Variants in GRIN2A observed in about 807,000 individuals in gnomAD.
The protein encoded by GRIN2A is glutamate ionotropic receptor NMDA type subunit 2A, also known as glutamate receptor ionotropic, NMDA 2A.
A neutral mutation model predicts 113.4 loss-of-function variants in GRIN2A; 22 were observed. The observed-to-expected ratio is 0.19, with a 90% CI of 0.14 to 0.28. The LOEUF is 0.28. GRIN2A is among the 10% of genes least tolerant of loss of function. The probability of loss-of-function intolerance (pLI) is 1.00; values close to 1 mark genes in which losing one functional copy is unlikely to be tolerated. For synonymous variants in GRIN2A, 827 were observed against 738.4 expected (o/e 1.12, Z -1.94); for missense variants, 1,502 against 1,887.0 (o/e 0.80, Z 3.78).
intron 2 of GRIN2A, among the ~76,000 whole-genome samples, chr16:10,142,650 G>T (rs2049350771): frequency 1.3e-5 from 2 of 152,184 alleles, no homozygotes; most frequent in African/African-American, 4.8e-5. Context: ...AGTGAGCTGA[G>T]ATCATGCCAC....
chr16:10,119,560 C>T (rs140041908), intron 2 of GRIN2A, among the ~76,000 whole-genome samples: 2 of 152,114 alleles, frequency 1.3e-5, no homozygotes, highest in African/African-American at 4.8e-5. Flanking sequence ...TGGTTCTCAA[C>T]AGGGAAAGAT....
At chr16:10,075,268 TCA>T (rs1187262142) in intron 2 of GRIN2A, among the ~76,000 whole-genome samples, 1 of 152,088 alleles carries the variant, frequency 6.6e-6, no homozygotes, top group Non-Finnish European at 1.5e-5. Context: ...TTTGAGAGTT[TCA>T]CAGTCATACT....
At position 9,758,868 on chromosome 16, in the gene GRIN2A, T is replaced by C. The variant is rs570250938; in HGVS notation, c.*4281A>G. The C allele has an allele frequency of 3.2e-5, 7 of 218,418 alleles. No individual in the cohort carries two copies. In the South Asian group the frequency reaches 1.1e-3, roughly 35 times the overall value. 13.5% of individuals were successfully genotyped at this position (218,418 alleles called of 1,614,324 possible). ...GTATCTGGAAAGGTCTAATTTTGTC[T>C]CCAGTGAAAATAAACAGTACTTTTG... On this transcript the variant is annotated 3_prime_UTR_variant, in exon 13 of 13. Coordinates refer to ENST00000330684, the MANE Select transcript of GRIN2A (RefSeq NM_001134407.3).
At chr16:9,785,385 A>T (rs553089768) in intron 11 of GRIN2A, among the ~76,000 whole-genome samples, 1 of 144,982 alleles carries the variant, frequency 6.9e-6, no homozygotes, top group South Asian at 2.2e-4. Flanking sequence ...TGGGAATTGA[A>T]CAATGAGATC....
At chr16:10,155,571 C>T (rs1039440482) in intron 2 of GRIN2A, among the ~76,000 whole-genome samples, 3 of 152,144 alleles carry the variant, frequency 2.0e-5, no homozygotes, top group Admixed American at 6.6e-5. Context: ...TTTGGTATAA[C>T]GATTTAATGT....
At chr16:9,769,381 T>G (rs1901118654) in intron 11 of GRIN2A, among the ~76,000 whole-genome samples, 1 of 147,666 alleles carries the variant, frequency 6.8e-6, no homozygotes, top group Non-Finnish European at 1.5e-5. Context: ...TGTATATATA[T>G]TATATATTAT....
At chr16:9,913,932 C>G (rs544106385) in intron 3 of GRIN2A, among the ~76,000 whole-genome samples, 1 of 151,978 alleles carries the variant, frequency 6.6e-6, no homozygotes, top group East Asian at 1.9e-4. Context: ...ATTTCACCCA[C>G]AGGGGTTCTT....
chr16:9,763,433 G>C lies in GRIN2A; in HGVS notation c.4111C>G (p.His1371Asp), dbSNP rs2141126534. The C allele has an allele frequency of 6.2e-7, 1 of 1,614,040 alleles. No individual in the cohort carries two copies. Among genetic ancestry groups the C allele is most frequent in the Non-Finnish European group, 8.5e-7 (1 of 1,179,944 alleles). ...HTSDNPFLHS[H>D]RDDQRLVIGR... ...ATAACCAAGCGTTGGTCATCCCTGT[G>C]GGAGTGGAGGAAAGGGTTATCGGAG... Residue 1371 changes from histidine to aspartate, a missense_variant, in exon 13 of 13, where the codon CAC (histidine) becomes GAC (aspartate). His to Asp is a moderately conservative substitution (Grantham distance 81). This residue lies in a region of GRIN2A where 832 missense variants were observed against 789.7 expected (regional missense o/e 1.05). Coordinates refer to ENST00000330684, the MANE Select transcript of GRIN2A (RefSeq NM_001134407.3).
intron 3 of GRIN2A, among the ~76,000 whole-genome samples, chr16:9,922,490 C>T (rs578142242): frequency 6.6e-5 from 10 of 152,284 alleles, no homozygotes; most frequent in Admixed American, 6.5e-4. Flanking sequence ...ATTACATCCA[C>T]GCCCATCTGG....
At chr16:9,905,653 A>C (rs1465266718) in intron 3 of GRIN2A, among the ~76,000 whole-genome samples, 1 of 152,188 alleles carries the variant, frequency 6.6e-6, no homozygotes, top group African/African-American at 2.4e-5. Context: ...GGGCAGAGCG[A>C]TGTGCCTATG....
intron 3 of GRIN2A, among the ~76,000 whole-genome samples, chr16:9,893,371 C>G (rs542040476): frequency 6.6e-6 from 1 of 152,292 alleles, no homozygotes; most frequent in South Asian, 2.1e-4. Context: ...TAAAACACTG[C>G]TATTCTAGAA....
At chr16:10,059,969 GA>G in intron 2 of GRIN2A, among the ~76,000 whole-genome samples, 1 of 144,902 alleles carries the variant, frequency 6.9e-6, no homozygotes, top group East Asian at 2.3e-4. Context: ...AGGGATGGAG[GA>G]AAAGGGGGAT....
At chr16:9,842,810 A>G (rs2042703073) in intron 5 of GRIN2A, among the ~76,000 whole-genome samples, 1 of 152,066 alleles carries the variant, frequency 6.6e-6, no homozygotes, top group Non-Finnish European at 1.5e-5. Flanking sequence ...GGTGGCATGC[A>G]CCTGTAATCC....
intron 2 of GRIN2A, among the ~76,000 whole-genome samples, chr16:10,082,678 A>C (rs1462333983): frequency 6.6e-6 from 1 of 152,200 alleles, no homozygotes. Context: ...GGTTTTGAAG[A>C]AGGAGGCCTC....
At chr16:10,019,924 T>C (rs928246892) in intron 2 of GRIN2A, among the ~76,000 whole-genome samples, 7 of 152,246 alleles carry the variant, frequency 4.6e-5, no homozygotes, top group Non-Finnish European at 1.0e-4. Flanking sequence ...ATCTTAATTA[T>C]ACTCACACCA....
At chr16:9,969,355 A>T (rs1417961942) in intron 2 of GRIN2A, among the ~76,000 whole-genome samples, 1 of 151,930 alleles carries the variant, frequency 6.6e-6, no homozygotes, top group Non-Finnish European at 1.5e-5. Context: ...TTAGATGCAC[A>T]CTTTCTTCAC....
At chr16:10,038,000 A>G (rs1265955316) in intron 2 of GRIN2A, among the ~76,000 whole-genome samples, 1 of 152,158 alleles carries the variant, frequency 6.6e-6, no homozygotes, top group Non-Finnish European at 1.5e-5. Flanking sequence ...CCCAGTCTAC[A>G]TCATAATCCC....
At chr16:9,933,354 G>A (rs1173454589) in intron 3 of GRIN2A, among the ~76,000 whole-genome samples, 1 of 152,050 alleles carries the variant, frequency 6.6e-6, no homozygotes, top group Non-Finnish European at 1.5e-5. Flanking sequence ...CTCTTTGCCT[G>A]AGATTATAAA....
intron 2 of GRIN2A, among the ~76,000 whole-genome samples, chr16:10,142,430 C>T (rs1026164048): frequency 9.9e-5 from 15 of 152,194 alleles, no homozygotes; most frequent in African/African-American, 3.4e-4. Flanking sequence ...GGCATAGTGG[C>T]TCATGCCTGT....
Sources: gnomAD v4.1 joint callset for allele counts (sites outside exome capture counted in the v4.1 genomes callset) on GRCh38, gnomAD v4.1.1 for gene constraint, gnomAD v4.1.1 regional missense constraint, MANE v1.5 for transcripts, NCBI Gene and HGNC (gene_info 2026-07-23, HGNC 2026-07-21) for gene names.